TGFBRAP1: variants seen among roughly 807,000 people sequenced by gnomAD.
The protein encoded by TGFBRAP1 is transforming growth factor-beta receptor-associated protein 1.
A neutral mutation model predicts 83.2 loss-of-function variants in TGFBRAP1; 20 were observed. That is an observed-to-expected ratio of 0.24 (90% confidence interval 0.17 to 0.35). TGFBRAP1 has a LOEUF of 0.35. Ranked by LOEUF, TGFBRAP1 falls within the 10% of genes least tolerant of loss-of-function variation. TGFBRAP1 has a pLI of 1.00. For missense variants in TGFBRAP1, 950 were observed against 1,099.4 expected (o/e 0.86, Z 1.92); for synonymous variants, 415 against 459.8 (o/e 0.90, Z 1.25).
the TGFBRAP1 span, among the ~76,000 whole-genome samples, chr2:105,250,733 C>A: frequency 6.6e-6 from 1 of 151,982 alleles, no homozygotes; most frequent in African/African-American, 2.4e-5. Flanking sequence ...GCTGCCATCT[C>A]GGCTCACTGC....
chr2:105,263,208 G>T (rs1676830896), downstream of TGFBRAP1, among the ~76,000 whole-genome samples: 1 of 152,122 alleles, frequency 6.6e-6, no homozygotes, highest in Non-Finnish European at 1.5e-5. Context: ...AAGTCTAAAG[G>T]CCCCCTCTTA....
intron 5 of TGFBRAP1, among the ~76,000 whole-genome samples, chr2:105,281,315 C>T (rs921498237): frequency 6.6e-6 from 1 of 152,220 alleles, no homozygotes; most frequent in African/African-American, 2.4e-5. Flanking sequence ...CCCATCTCCT[C>T]TCCGGAACCT....
chr2:105,305,907 G>A (rs187941352), intron 2 of TGFBRAP1, among the ~76,000 whole-genome samples: 31 of 152,140 alleles, frequency 2.0e-4, no homozygotes, highest in Admixed American at 1.8e-3. Flanking sequence ...TGCCTGCTTC[G>A]GCATCCCAAA....
rs1676976479 is a variant in TGFBRAP1 at position 105,267,324 on chromosome 2, C to G, written c.*59G>C. Reference sequence around the variant, plus strand: ...CAGAGCATGGTGGTCATCTGCTCTTCATGTCCAGCAGGCTCAGAAAGAACT... The same window carrying G: ...CAGAGCATGGTGGTCATCTGCTCTTGATGTCCAGCAGGCTCAGAAAGAACT... On this transcript the variant is annotated 3_prime_UTR_variant, in exon 12 of 12. Transcript: ENST00000393359. 6.3e-7 allele frequency: 1 copy of G among 1,596,060 alleles called. No homozygotes were observed. Among genetic ancestry groups the G allele is most frequent in the South Asian group, 1.1e-5 (1 of 88,664 alleles).
intron 1 of TGFBRAP1, chr2:105,325,217 C>T (rs1228986978): frequency 1.3e-5 from 2 of 152,386 alleles, no homozygotes; most frequent in African/African-American, 2.4e-5. Flanking sequence ...CAATGCTGCC[C>T]CAAGCCTGGA....
At chr2:105,250,898 T>C in the TGFBRAP1 span, among the ~76,000 whole-genome samples, 2 of 152,360 alleles carry the variant, frequency 1.3e-5, no homozygotes, top group Admixed American at 6.5e-5. Flanking sequence ...GCGAGTGATC[T>C]GCCAGCCTCG....
At chr2:105,272,327 G>A (rs1052872488) in intron 10 of TGFBRAP1, among the ~76,000 whole-genome samples, 3 of 152,192 alleles carry the variant, frequency 2.0e-5, no homozygotes, top group East Asian at 1.9e-4. Context: ...TGAGCAGCTC[G>A]GGAATGGGTC....
intron 1 of TGFBRAP1, among the ~76,000 whole-genome samples, chr2:105,323,856 T>C (rs1679141360): frequency 6.6e-6 from 1 of 152,212 alleles, no homozygotes; most frequent in African/African-American, 2.4e-5. Flanking sequence ...GATGTGGTTT[T>C]CTTAAATGTG....
chr2:105,298,205 T>C (rs1442743346), intron 3 of TGFBRAP1, among the ~76,000 whole-genome samples: 1 of 152,162 alleles, frequency 6.6e-6, no homozygotes, highest in Non-Finnish European at 1.5e-5. Context: ...TATGCATCCT[T>C]AAAGGTTTGG....
At chr2:105,328,426 A>C (rs1257223499) in intron 1 of TGFBRAP1, among the ~76,000 whole-genome samples, 1 of 152,208 alleles carries the variant, frequency 6.6e-6, no homozygotes, top group Non-Finnish European at 1.5e-5. Context: ...GGAAAAAGAA[A>C]AGGAAGCAGC....
intron 1 of TGFBRAP1, among the ~76,000 whole-genome samples, chr2:105,318,240 A>C (rs1213531461): frequency 6.6e-6 from 1 of 152,200 alleles, no homozygotes; most frequent in Non-Finnish European, 1.5e-5. Flanking sequence ...GTACAGCTGC[A>C]AGAGAATGAA....
intron 4 of TGFBRAP1, among the ~76,000 whole-genome samples, chr2:105,291,452 T>A (rs1402948845): frequency 6.6e-6 from 1 of 152,008 alleles, no homozygotes; most frequent in Non-Finnish European, 1.5e-5. Flanking sequence ...AATCTCTCAG[T>A]CTCCTCTGAA....
At chr2:105,290,081 G>A (rs1677852752) in intron 4 of TGFBRAP1, among the ~76,000 whole-genome samples, 1 of 152,176 alleles carries the variant, frequency 6.6e-6, no homozygotes, top group South Asian at 2.1e-4. Flanking sequence ...TTGTTGTTGA[G>A]ACAGTCTTGC....
rs1447198491 is a variant in TGFBRAP1 at position 105,298,713 on chromosome 2, T to C, written c.689-8A>G. ...CGACTGTGGCAAACATGCCTAGAAG[T>C]AAGAAGAAAGAGTTAGGTAGGCTTC... On this transcript the variant is annotated splice_region_variant and splice_polypyrimidine_tract_variant and intron_variant, in intron 2 of 11. Coordinates refer to ENST00000393359, the MANE Select transcript of TGFBRAP1 (RefSeq NM_004257.6). 4.5e-6 allele frequency: 7 copies of C among 1,561,304 alleles called. No homozygotes were observed. The East Asian group carries it at 1.6e-4, about 36-fold the overall frequency.
chr2:105,290,159 C>T (rs910606974), intron 4 of TGFBRAP1, among the ~76,000 whole-genome samples: 3 of 152,186 alleles, frequency 2.0e-5, no homozygotes, highest in East Asian at 1.9e-4. Flanking sequence ...CTCCGCCTCA[C>T]GGGTTCAAGT....
intron 8 of TGFBRAP1, among the ~76,000 whole-genome samples, chr2:105,275,243 A>T (rs560913289): frequency 1.4e-3 from 213 of 152,308 alleles, no homozygotes; most frequent in African/African-American, 4.8e-3. Context: ...GGGGTCGAGG[A>T]GCGGGGTTCA....
chr2:105,273,515 C>G, intron 9 of TGFBRAP1, 29 bp downstream of exon 9: 2 of 1,612,182 alleles, frequency 1.2e-6, no homozygotes, highest in African/African-American at 2.7e-5. Flanking sequence ...CCAGCCCACA[C>G]TCTTTAGTCT....
chr2:105,313,527 G>A (rs1245145444), intron 1 of TGFBRAP1, among the ~76,000 whole-genome samples: 1 of 152,020 alleles, frequency 6.6e-6, no homozygotes, highest in African/African-American at 2.4e-5. Context: ...ATGTTTCTAA[G>A]GATAAAAAGA....
chr2:105,305,911 T>A (rs1015634536), intron 2 of TGFBRAP1, among the ~76,000 whole-genome samples: 5 of 152,306 alleles, frequency 3.3e-5, no homozygotes, highest in African/African-American at 1.2e-4. Context: ...TGCTTCGGCA[T>A]CCCAAAGTGC....
Sources: allele counts gnomAD v4.1 joint callset (sites outside exome capture counted in the v4.1 genomes callset), GRCh38; gene constraint gnomAD v4.1.1; transcripts MANE v1.5; gene names NCBI Gene and HGNC (gene_info 2026-07-23, HGNC 2026-07-21).